The following PSCA variants were observed in gnomAD, a reference collection of about 807,000 sequenced individuals.
The protein encoded by PSCA is prostate stem cell antigen.
In PSCA, 7 loss-of-function variants were observed where a neutral mutation model predicts 7.9. The ratio of observed to expected loss-of-function variants is 0.89; its 90% confidence interval spans 0.51 to 1.67. The LOEUF (loss-of-function observed/expected upper bound fraction) is 1.67, where lower values mean the gene tolerates loss of function less well. Among genes scored for constraint, PSCA ranks in the 40% most tolerant of loss-of-function variants. PSCA has a pLI of 0.00. For synonymous variants in PSCA, 61 were observed against 68.3 expected, an observed-to-expected ratio of 0.89 and a Z score of 0.53; for missense variants, 151 against 147.9, an observed-to-expected ratio of 1.02 and a Z score of -0.11.
At chr8:142,671,749 T>C (rs1847331640) in intron 1 of PSCA, among the ~76,000 whole-genome samples, 1 of 152,134 alleles carries the variant, frequency 6.6e-6, no homozygotes, top group Non-Finnish European at 1.5e-5. Context: ...GGTCTAGCTG[T>C]GTTGCCTAGG....
chr8:142,680,931 G>T, intron 1 of PSCA: 1 of 471,008 alleles, frequency 2.1e-6, no homozygotes, highest in Non-Finnish European at 3.9e-6. Context: ...GTGGTTTTTG[G>T]GGCACAAGGG....
chr8:142,676,552 T>G (rs1847403614), upstream of PSCA: 2 of 152,258 alleles, frequency 1.3e-5, no homozygotes, highest in Admixed American at 6.5e-5. Flanking sequence ...AACTGGGGCC[T>G]GATCCCCAAG....
At chr8:142,680,427 G>A (rs1267417499), upstream of PSCA, 8 of 1,347,868 alleles carry the variant, frequency 5.9e-6, no homozygotes, top group African/African-American at 7.2e-5. Flanking sequence ...ACCCGCTGGT[G>A]TTGACTGTGG....
rs143115091 is a variant in PSCA, at chr8:142,672,887, G to A, written n.261+2319G>A. On this transcript the variant is annotated intron_variant and non_coding_transcript_variant, in intron 1 of 1. Transcript: ENST00000505305. Reference sequence around the variant, plus strand: ...ACCAAGGGTGATGTTTACATATGGCGTGGGGAAGGCTGGTCGCCCCACCCT... The same window carrying A: ...ACCAAGGGTGATGTTTACATATGGCATGGGGAAGGCTGGTCGCCCCACCCT... 3.3e-4 allele frequency among the ~76,000 whole-genome samples: 51 copies of A among 152,266 alleles called. No individual in the cohort carries two copies. The East Asian group carries it at 3.9e-3, about 12-fold the overall frequency.
chr8:142,674,780 C>G (rs1254992102), intron 1 of PSCA, among the ~76,000 whole-genome samples: 1 of 152,224 alleles, frequency 6.6e-6, no homozygotes, highest in Non-Finnish European at 1.5e-5. Flanking sequence ...CAGACCATGC[C>G]TGGGCCACTA....
upstream of PSCA, among the ~76,000 whole-genome samples, chr8:142,679,469 T>C (rs1276042300): frequency 6.6e-6 from 1 of 152,218 alleles, no homozygotes; most frequent in Non-Finnish European, 1.5e-5. Flanking sequence ...GAGCCAAATA[T>C]GAGGGACCAT....
intron 1 of PSCA, among the ~76,000 whole-genome samples, chr8:142,675,287 G>A (rs1563803279): frequency 6.6e-6 from 1 of 152,232 alleles, no homozygotes; most frequent in Non-Finnish European, 1.5e-5. Context: ...CCTGGCTGGT[G>A]GGGCAGGGGC....
chr8:142,680,644 G>C (rs1847451536), intron 1 of PSCA, 81 bp downstream of exon 1: 1 of 1,502,734 alleles, frequency 6.7e-7, no homozygotes, highest in African/African-American at 1.4e-5. Context: ...AGGGCACACG[G>C]AGAGGAGGGG....
upstream of PSCA, among the ~76,000 whole-genome samples, chr8:142,679,112 C>A (rs1375721741): frequency 6.6e-6 from 1 of 152,250 alleles, no homozygotes; most frequent in Admixed American, 6.5e-5. Flanking sequence ...TTGCCTCTTC[C>A]ACTCTCTCAT....
upstream of PSCA, among the ~76,000 whole-genome samples, chr8:142,678,107 T>C (rs587639115): frequency 5.3e-5 from 8 of 152,212 alleles, no homozygotes; most frequent in East Asian, 1.5e-3. Context: ...CCAGCCTTCC[T>C]GGACGGTGCA....
chr8:142,670,569 G>C (rs1268245913), intron 1 of PSCA: 4 of 152,272 alleles, frequency 2.6e-5, no homozygotes, highest in Admixed American at 6.5e-5. Context: ...TGCGACTTAA[G>C]TGAGTATGGA....
rs782224941 is a variant in PSCA, at chr8:142,681,437, G to T, written c.133+3G>T. The T allele has an allele frequency of 1.7e-5, 27 of 1,583,322 alleles. No individual in the cohort carries two copies. The Admixed American group carries it at 4.5e-4, about 26-fold the overall frequency. ...GCAGTGCTGGACCGCGCGCATCCGT[G>T]AGTGGGGGGACGACAGCCGCCAGGC... On this transcript the variant is annotated splice_donor_region_variant and intron_variant, in intron 2 of 2. Coordinates refer to ENST00000301258, the MANE Select transcript of PSCA (RefSeq NM_005672.5).
chr8:142,678,761 T>G (rs11786721), upstream of PSCA, among the ~76,000 whole-genome samples: 1 of 58,958 alleles, frequency 1.7e-5, no homozygotes, highest in Non-Finnish European at 4.6e-5. Flanking sequence ...TAGCCACTGC[T>G]ACCACCACCC....
intron 1 of PSCA, among the ~76,000 whole-genome samples, chr8:142,671,337 A>G (rs1364614850): frequency 6.6e-6 from 1 of 152,208 alleles, no homozygotes; most frequent in Non-Finnish European, 1.5e-5. Flanking sequence ...AGCGGCTTCT[A>G]GTGGCTGGGA....
At chr8:142,672,823 G>A (rs587738635) in intron 1 of PSCA, among the ~76,000 whole-genome samples, 1 of 152,320 alleles carries the variant, frequency 6.6e-6, no homozygotes, top group African/African-American at 2.4e-5. Flanking sequence ...GGCTTGAGGA[G>A]GCAGTGTCTG....
chr8:142,675,935 A>T (rs782395385), upstream of PSCA: 4 of 152,208 alleles, frequency 2.6e-5, no homozygotes, highest in African/African-American at 4.8e-5. Context: ...TTTTTAATTA[A>T]TGCTGCATGA....
At chr8:142,677,613 C>CG (rs782689522), upstream of PSCA, among the ~76,000 whole-genome samples, 3 of 148,584 alleles carry the variant, frequency 2.0e-5, no homozygotes, top group East Asian at 2.1e-4. Flanking sequence ...CGAGCTGGGG[C>CG]GGGGGGCGGA....
At chr8:142,681,777 C>T (rs1440240036) in intron 2 of PSCA, 144 bp from the exon 3 acceptor site, 2 of 654,306 alleles carry the variant, frequency 3.1e-6, no homozygotes, top group Non-Finnish European at 5.2e-6. Context: ...GGGCCGAGAC[C>T]AGGCCCTCGC....
intron 1 of PSCA, among the ~76,000 whole-genome samples, chr8:142,675,148 C>T (rs1554637719): frequency 6.6e-6 from 1 of 152,224 alleles, no homozygotes; most frequent in African/African-American, 2.4e-5. Flanking sequence ...GAGGCTGTGC[C>T]CAGCTGGAAG....
Sources: allele counts gnomAD v4.1 joint callset (sites outside exome capture counted in the v4.1 genomes callset), GRCh38; gene constraint gnomAD v4.1.1; transcripts MANE v1.5; gene names NCBI Gene and HGNC (gene_info 2026-07-23, HGNC 2026-07-21).